Variants in TAS2R1 observed in about 807,000 individuals in gnomAD.
TAS2R1 encodes taste 2 receptor member 1.
For synonymous variants in TAS2R1, 141 were observed against 134.2 expected (o/e 1.05, Z -0.35); for missense variants, 370 against 353.4 (o/e 1.05, Z -0.38).
chr5:9,867,138 C>A, the TAS2R1 span: 1 of 152,166 alleles, frequency 6.6e-6, no homozygotes, highest in African/African-American at 2.4e-5. Context: ...ACTTACATTT[C>A]AGGAGGGTTT....
chr5:9,725,638 C>A, the TAS2R1 span, among the ~76,000 whole-genome samples: 1 of 152,228 alleles, frequency 6.6e-6, no homozygotes, highest in East Asian at 1.9e-4. Context: ...TGTGCGGCCC[C>A]AGCCTCCCCG....
chr5:9,735,492 T>C, the TAS2R1 span, among the ~76,000 whole-genome samples: 1 of 151,374 alleles, frequency 6.6e-6, no homozygotes, highest in Non-Finnish European at 1.5e-5. Flanking sequence ...CTACCATGTA[T>C]TTACTATGCT....
At chr5:9,671,715 C>T (rs541633745) in intron 1 of TAS2R1, among the ~76,000 whole-genome samples, 4 of 151,936 alleles carry the variant, frequency 2.6e-5, no homozygotes, top group East Asian at 3.9e-4. Flanking sequence ...CCATATTGCC[C>T]GAAGCAATTT....
chr5:9,844,757 T>A, the TAS2R1 span, among the ~76,000 whole-genome samples: 4 of 152,054 alleles, frequency 2.6e-5, no homozygotes, highest in South Asian at 2.1e-4. Flanking sequence ...TAGATGAACT[T>A]TTCTACAAAA....
At chr5:9,811,819 C>T in the TAS2R1 span, among the ~76,000 whole-genome samples, 2,739 of 152,164 alleles carry the variant, frequency 0.018, 26 homozygotes, top group Middle Eastern at 0.031. Context: ...AATTACAGGG[C>T]CCTTATGATG....
At chr5:9,752,691 C>T in the TAS2R1 span, among the ~76,000 whole-genome samples, 2 of 151,836 alleles carry the variant, frequency 1.3e-5, no homozygotes, top group Non-Finnish European at 2.9e-5. Context: ...TAATGCTATC[C>T]CTCCCCTTCC....
At chr5:9,636,655 C>G (rs1485245483) in intron 2 of TAS2R1, among the ~76,000 whole-genome samples, 1 of 151,976 alleles carries the variant, frequency 6.6e-6, no homozygotes, top group Non-Finnish European at 1.5e-5. Flanking sequence ...GTTAGACTAT[C>G]CATTTATTTT....
chr5:9,899,228 G>A, the TAS2R1 span, among the ~76,000 whole-genome samples: 21 of 152,288 alleles, frequency 1.4e-4, no homozygotes, highest in South Asian at 4.1e-3. Flanking sequence ...AGAGGGACAG[G>A]AGTGACTACT....
the TAS2R1 span, among the ~76,000 whole-genome samples, chr5:9,740,090 G>T: frequency 6.6e-6 from 1 of 152,140 alleles, no homozygotes; most frequent in African/African-American, 2.4e-5. Context: ...ATGTTTTCTG[G>T]TGATAGACTG....
At chr5:9,675,444 G>GTC in intron 1 of TAS2R1, among the ~76,000 whole-genome samples, 1 of 140,732 alleles carries the variant, frequency 7.1e-6, no homozygotes, top group South Asian at 2.2e-4. Flanking sequence ...TTGAGATGGA[G>GTC]TCTTGCTTTG....
chr5:9,684,960 C>G (rs1323665458), intron 1 of TAS2R1, among the ~76,000 whole-genome samples: 1 of 152,168 alleles, frequency 6.6e-6, no homozygotes, highest in Non-Finnish European at 1.5e-5. Context: ...TCTTCCTCCC[C>G]TGACACCCTC....
intron 1 of TAS2R1, among the ~76,000 whole-genome samples, chr5:9,710,478 C>T (rs1258366691): frequency 1.3e-5 from 2 of 152,154 alleles, no homozygotes; most frequent in East Asian, 1.9e-4. Context: ...TGAACCTTTG[C>T]CCCTACCAAA....
intron 2 of TAS2R1, among the ~76,000 whole-genome samples, chr5:9,655,313 G>A (rs1740387632): frequency 6.6e-6 from 1 of 151,810 alleles, no homozygotes; most frequent in Admixed American, 6.6e-5. Context: ...AAAATTAATT[G>A]GGAAAGGTTT....
the TAS2R1 span, among the ~76,000 whole-genome samples, chr5:9,752,232 T>C: frequency 3.9e-5 from 6 of 152,260 alleles, no homozygotes; most frequent in Middle Eastern, 3.4e-3. Context: ...TCAGGAGAGG[T>C]TGAATGTGCA....
At chr5:9,674,337 A>C (rs2126505141) in intron 1 of TAS2R1, among the ~76,000 whole-genome samples, 1 of 152,320 alleles carries the variant, frequency 6.6e-6, no homozygotes, top group East Asian at 1.9e-4. Flanking sequence ...TAGTATATCA[A>C]CCACATGGCT....
upstream of TAS2R1, among the ~76,000 whole-genome samples, chr5:9,716,840 A>G (rs1389361293): frequency 6.6e-6 from 1 of 152,182 alleles, no homozygotes; most frequent in Non-Finnish European, 1.5e-5. Context: ...CTCAGGGTTT[A>G]GAAGACGAGG....
At chr5:9,723,220 G>T in the TAS2R1 span, among the ~76,000 whole-genome samples, 1 of 152,146 alleles carries the variant, frequency 6.6e-6, no homozygotes, top group South Asian at 2.1e-4. Context: ...GTTCTCTGTT[G>T]TTGCCATGAA....
At chr5:9,669,119 T>C (rs1740701330) in intron 1 of TAS2R1, among the ~76,000 whole-genome samples, 1 of 152,114 alleles carries the variant, frequency 6.6e-6, no homozygotes, top group Admixed American at 6.6e-5. Flanking sequence ...GCTATTCTAA[T>C]TTCAGACAAA....
chr5:9,844,819 G>A, the TAS2R1 span, among the ~76,000 whole-genome samples: 1 of 152,158 alleles, frequency 6.6e-6, no homozygotes. Context: ...ATAAACCAGA[G>A]CCAGGATGAA....
Sources: gnomAD v4.1 joint callset for allele counts (sites outside exome capture counted in the v4.1 genomes callset) on GRCh38, gnomAD v4.1.1 for gene constraint, MANE v1.5 for transcripts, NCBI Gene and HGNC (gene_info 2026-07-23, HGNC 2026-07-21) for gene names.